Variants in FBXL7 observed in about 807,000 individuals in gnomAD.
FBXL7 encodes the protein F-box/LRR-repeat protein 7.
FBXL7 carries 12 observed loss-of-function variants against 38.3 expected under a neutral mutation model. The ratio of observed to expected loss-of-function variants is 0.31; its 90% CI spans 0.20 to 0.51. FBXL7 has a LOEUF of 0.51. Ranked by LOEUF, FBXL7 falls within the 20% of genes least tolerant of loss-of-function variation. The pLI, the probability that FBXL7 is intolerant of heterozygous loss-of-function variation, is 0.98. For missense variants in FBXL7, 567 were observed against 676.4 expected (o/e 0.84, Z 1.79); for synonymous variants, 297 against 300.9 (o/e 0.99, Z 0.13).
intron 2 of FBXL7, among the ~76,000 whole-genome samples, chr5:15,683,790 C>T (rs1041462514): frequency 5.9e-5 from 9 of 152,064 alleles, no homozygotes; most frequent in African/African-American, 2.2e-4. Flanking sequence ...TTACTGAAAT[C>T]CTTCCCTTTA....
chr5:15,647,994 A>G (rs550880625), intron 2 of FBXL7, among the ~76,000 whole-genome samples: 1 of 152,348 alleles, frequency 6.6e-6, no homozygotes, highest in African/African-American at 2.4e-5. Context: ...ATGCTCCAGG[A>G]GAATGCCCGT....
At position 15,512,239 on chromosome 5, in the gene FBXL7, A is replaced by G. The variant is rs181218954; in HGVS notation, c.37+11526A>G. Among the ~76,000 whole-genome samples the G allele has an allele frequency of 3.9e-4, 59 of 152,288 alleles. No individual in the cohort carries two copies. The East Asian group carries it at 9.1e-3, about 23-fold the overall frequency. The stretch of plus-strand genomic sequence containing the variant: ...TGATATCAGAACTCATTGCTTTTCT[A>G]TCATTGTTGAATAGAAATCCATCTT... On this transcript the variant is annotated intron_variant, in intron 1 of 3. Coordinates refer to ENST00000504595, the MANE Select transcript of FBXL7 (RefSeq NM_012304.5).
rs183887525 is a variant in FBXL7, at chr5:15,522,860, C to G, written c.37+22147C>G. ...TTCTTACAACATTCTAGCAAAAACT[C>G]TAAGGTATGAAATATGGATGTTTCA... On this transcript the variant is annotated intron_variant, in intron 1 of 3. Coordinates refer to ENST00000504595, the MANE Select transcript of FBXL7 (RefSeq NM_012304.5). Among the ~76,000 whole-genome samples, 23 of 152,284 alleles carry G rather than the reference C, an allele frequency of 1.5e-4. No homozygotes were observed. In the East Asian group the frequency reaches 4.4e-3, roughly 29 times the overall value.
intron 2 of FBXL7, among the ~76,000 whole-genome samples, chr5:15,897,220 A>G (rs1741125241): frequency 6.6e-6 from 1 of 152,140 alleles, no homozygotes; most frequent in African/African-American, 2.4e-5. Flanking sequence ...AATTTAACAA[A>G]TATTTATCCA....
chr5:15,532,260 A>G (rs148721573), intron 1 of FBXL7, among the ~76,000 whole-genome samples: 3 of 152,328 alleles, frequency 2.0e-5, no homozygotes, highest in East Asian at 3.9e-4. Context: ...TTAGCCTGTA[A>G]TGGCGTTCCC....
chr5:15,512,888 A>G (rs1268706090), intron 1 of FBXL7, among the ~76,000 whole-genome samples: 1 of 152,210 alleles, frequency 6.6e-6, no homozygotes, highest in Non-Finnish European at 1.5e-5. Context: ...TCAATCATTA[A>G]TCTAGAAAAC....
intron 1 of FBXL7, among the ~76,000 whole-genome samples, chr5:15,508,289 A>G (rs1736700542): frequency 1.3e-5 from 2 of 152,214 alleles, no homozygotes; most frequent in Non-Finnish European, 2.9e-5. Flanking sequence ...GTTCTACTCA[A>G]TGCATGGGCT....
chr5:15,617,487 C>T (rs1439314729), intron 2 of FBXL7, among the ~76,000 whole-genome samples: 1 of 151,420 alleles, frequency 6.6e-6, no homozygotes, highest in Admixed American at 6.6e-5. Context: ...GATGGAGTCT[C>T]ACTCTTTTGC....
At chr5:15,717,698 C>A (rs946739121) in intron 2 of FBXL7, among the ~76,000 whole-genome samples, 15 of 152,014 alleles carry the variant, frequency 9.9e-5, no homozygotes, top group Admixed American at 4.6e-4. Context: ...TGTATATCGG[C>A]CAAAGATACA....
At chr5:15,637,040 G>A (rs1741209791) in intron 2 of FBXL7, among the ~76,000 whole-genome samples, 2 of 152,080 alleles carry the variant, frequency 1.3e-5, no homozygotes, top group African/African-American at 4.8e-5. Flanking sequence ...ATGAGTGATG[G>A]GCAGCCCAGC....
At chr5:15,787,197 C>T (rs1737154803) in intron 2 of FBXL7, among the ~76,000 whole-genome samples, 1 of 152,112 alleles carries the variant, frequency 6.6e-6, no homozygotes, top group Non-Finnish European at 1.5e-5. Flanking sequence ...AGGCACCAAG[C>T]TCGATATAAT....
At chr5:15,605,609 T>C (rs984631015) in intron 1 of FBXL7, among the ~76,000 whole-genome samples, 1 of 152,190 alleles carries the variant, frequency 6.6e-6, no homozygotes, top group African/African-American at 2.4e-5. Flanking sequence ...TATTATTTAA[T>C]GGTTACAGAG....
chr5:15,644,161 G>GT (rs1741453377), intron 2 of FBXL7, among the ~76,000 whole-genome samples: 1 of 151,972 alleles, frequency 6.6e-6, no homozygotes, highest in African/African-American at 2.4e-5. Flanking sequence ...CAGCAGCAAT[G>GT]TTAAAATGAT....
At chr5:15,617,796 A>G (rs1201357286) in intron 2 of FBXL7, among the ~76,000 whole-genome samples, 4 of 152,212 alleles carry the variant, frequency 2.6e-5, no homozygotes, top group African/African-American at 9.6e-5. Context: ...CATTGCAGTT[A>G]CACATAGTGC....
intron 1 of FBXL7, among the ~76,000 whole-genome samples, chr5:15,589,131 G>A (rs182846979): frequency 1.3e-5 from 2 of 152,294 alleles, no homozygotes; most frequent in African/African-American, 2.4e-5. Context: ...CTGACCCAGC[G>A]TCTAGTAACT....
chr5:15,817,688 T>C (rs1489306891), intron 2 of FBXL7, among the ~76,000 whole-genome samples: 1 of 152,144 alleles, frequency 6.6e-6, no homozygotes, highest in Admixed American at 6.5e-5. Flanking sequence ...GCAGTTCCCC[T>C]GCACAAGCCC....
At chr5:15,722,829 A>C (rs929223874) in intron 2 of FBXL7, among the ~76,000 whole-genome samples, 1 of 152,034 alleles carries the variant, frequency 6.6e-6, no homozygotes, top group African/African-American at 2.4e-5. Flanking sequence ...AGGCTGAGGC[A>C]GGAGAATCAC....
intron 2 of FBXL7, among the ~76,000 whole-genome samples, chr5:15,709,566 G>A (rs1009254918): frequency 3.3e-5 from 5 of 149,898 alleles, no homozygotes; most frequent in African/African-American, 1.2e-4. Flanking sequence ...AGCAAATCCT[G>A]TTTGCCCACC....
At chr5:15,838,306 G>T (rs1395379611) in intron 2 of FBXL7, among the ~76,000 whole-genome samples, 1 of 152,174 alleles carries the variant, frequency 6.6e-6, no homozygotes, top group East Asian at 1.9e-4. Context: ...GGCAGGTTCA[G>T]TGCCTAGTAA....
Sources: gnomAD v4.1 joint callset for allele counts (sites outside exome capture counted in the v4.1 genomes callset) on GRCh38, gnomAD v4.1.1 for gene constraint, MANE v1.5 for transcripts, NCBI Gene and HGNC (gene_info 2026-07-23, HGNC 2026-07-21) for gene names.